Variants in FAM83A observed in about 807,000 individuals in gnomAD.
FAM83A encodes protein FAM83A.
Under a neutral mutation model 24.4 loss-of-function variants are expected in FAM83A, and 21 were observed. The observed-to-expected ratio is 0.86, with a 90% confidence interval of 0.61 to 1.24. The LOEUF (loss-of-function observed/expected upper bound fraction) is 1.24, where lower values mean the gene tolerates loss of function less well. Among genes scored for constraint, FAM83A ranks in the 50% most tolerant of loss-of-function variants. The pLI, the probability that FAM83A is intolerant of heterozygous loss-of-function variation, is 0.00. For synonymous variants in FAM83A, 270 were observed against 252.4 expected (o/e 1.07, Z -0.66); for missense variants, 617 against 579.8 (o/e 1.06, Z -0.66).
intron 1 of FAM83A, among the ~76,000 whole-genome samples, chr8:123,188,161 C>T (rs555749690): frequency 1.3e-5 from 2 of 152,172 alleles, no homozygotes; most frequent in South Asian, 4.2e-4. Context: ...AGGCATGAGC[C>T]ACTGCACGCT....
rs1417799091 is a variant in FAM83A, at chr8:123,183,233, AG to A, written c.378del (p.Lys126AsnfsTer4). ...CTGCACAGCTGGGCCTCAGCTGAGA[AG>A]CCCTACCTGAAGGAAAAATCCAGCG... On this transcript the variant is annotated frameshift_variant, in exon 1 of 4. Transcript: ENST00000690554. LOFTEE classifies it high-confidence loss of function. 6.2e-7 allele frequency: 1 copy of A among 1,613,478 alleles called. No individual in the cohort carries two copies. Among genetic ancestry groups the A allele is most frequent in the South Asian group, 1.1e-5 (1 of 91,082 alleles).
At chr8:123,207,113 C>T in intron 3 of FAM83A, 44 bp from the exon 4 acceptor site, 1 of 1,281,482 alleles carries the variant, frequency 7.8e-7, no homozygotes, top group Non-Finnish European at 1.0e-6. Context: ...CCTCCCCATC[C>T]TTCCCCCTTC....
chr8:123,182,760 C>T (rs368720159), exon 1 of FAM83A: 7 of 1,485,208 alleles, frequency 4.7e-6, no homozygotes, highest in African/African-American at 1.4e-5. Flanking sequence ...CCCGGGGGTG[C>T]GGGAGCCCCA....
exon 1 of FAM83A, chr8:123,182,830 C>A: frequency 6.6e-7 from 1 of 1,517,280 alleles, no homozygotes. Context: ...TGCCAGCCTC[C>A]CCCAGCACCA....
chr8:123,194,165 TCTC>T lies in FAM83A; in HGVS notation c.773+20_773+22del. ...ATCTTACAGGTGAGCCTTGGATTCA[TCTC>T]CTGTCAAGGATTCATGGAGAACAAG... is the stretch of plus-strand genomic sequence containing the variant. On this transcript the variant is annotated intron_variant, in intron 3 of 3. Coordinates refer to ENST00000690554, the Ensembl canonical transcript of FAM83A. The T allele has an allele frequency of 6.2e-7, 1 of 1,613,286 alleles. No homozygotes were observed. Among genetic ancestry groups the T allele is most frequent in the Non-Finnish European group, 8.5e-7 (1 of 1,179,800 alleles).
At chr8:123,207,396 G>C in exon 4 of FAM83A, 1 of 1,610,992 alleles carries the variant, frequency 6.2e-7, no homozygotes, top group Non-Finnish European at 8.5e-7. Context: ...TTCAGCGGCC[G>C]CTCGGCAGGC....
At chr8:123,187,605 G>T (rs1237644119) in intron 1 of FAM83A, among the ~76,000 whole-genome samples, 2 of 152,122 alleles carry the variant, frequency 1.3e-5, no homozygotes, top group East Asian at 1.9e-4. Context: ...TAATAGTAAA[G>T]AACTATTTCA....
At chr8:123,208,963 C>CAGAAAA (rs1158517937) in exon 4 of FAM83A, 1 of 947,786 alleles carries the variant, frequency 1.1e-6, no homozygotes, top group Admixed American at 6.9e-5. Context: ...GACTCCGTCA[C>CAGAAAA]AGAAAAAAAA....
At chr8:123,199,960 G>A (rs1193582138) in intron 3 of FAM83A, 1 of 154,128 alleles carries the variant, frequency 6.5e-6, no homozygotes, top group Non-Finnish European at 1.5e-5. Flanking sequence ...GAAGCCAGCA[G>A]AGAAGTCTGA....
chr8:123,208,650 G>GTCC (rs1350586577), exon 4 of FAM83A: 3 of 985,408 alleles, frequency 3.0e-6, no homozygotes, highest in Non-Finnish European at 3.6e-6. Flanking sequence ...GTGGAACTAG[G>GTCC]TCCTGAGGGC....
In FAM83A at chr8:123,182,945, G is replaced by A. The variant is rs773943516; in HGVS notation, c.89G>A (p.Ser30Asn). 2.5e-6 allele frequency: 4 copies of A among 1,599,002 alleles called. No individual in the cohort carries two copies. The South Asian group carries it at 3.4e-5, about 13-fold the overall frequency. ...GTCCGGCCAGCCAGGGCTGACTTTA[G>A]TGACAACGAGAGTGCCCGGCTGGCC... is the stretch of plus-strand genomic sequence containing the variant. The change falls in exon 1 of 4, where the codon AGT becomes AAT. Residue 30 changes from serine (S) to asparagine (N), a missense_variant. By Grantham distance (46) the Ser-to-Asn change is conservative (BLOSUM62 1). Transcript: ENST00000690554.
At chr8:123,194,523 A>AC (rs1824081930) in intron 3 of FAM83A, among the ~76,000 whole-genome samples, 1 of 142,266 alleles carries the variant, frequency 7.0e-6, no homozygotes, top group South Asian at 2.2e-4. Context: ...TCGCCCTGTC[A>AC]CCCAGGCTGG....
intron 3 of FAM83A, among the ~76,000 whole-genome samples, chr8:123,195,417 AC>A (rs952840123): frequency 6.6e-6 from 1 of 151,224 alleles, no homozygotes; most frequent in African/African-American, 2.4e-5. Context: ...GGGCGGAAAA[AC>A]CCCTACATTT....
At chr8:123,182,319 G>A (rs1325264716), upstream of FAM83A, 2 of 356,334 alleles carry the variant, frequency 5.6e-6, no homozygotes, top group South Asian at 2.1e-5. Flanking sequence ...AGAGGGGGGC[G>A]CATCTCAGGG....
intron 3 of FAM83A, among the ~76,000 whole-genome samples, chr8:123,197,169 G>A (rs1042854976): frequency 5.9e-5 from 9 of 152,210 alleles, no homozygotes; most frequent in African/African-American, 1.9e-4. Context: ...CCTTCACTCA[G>A]GCCTAGGGTG....
intron 1 of FAM83A, among the ~76,000 whole-genome samples, chr8:123,187,843 A>ATTTTTATTTTTTATT (rs1336999504): frequency 6.6e-6 from 1 of 151,684 alleles, no homozygotes; most frequent in East Asian, 1.9e-4. Flanking sequence ...TTGCTCTTTT[A>ATTTTTATTTTTTATT]TTTTTATTTT....
exon 1 of FAM83A, chr8:123,183,257 G>A (rs760704800): frequency 6.2e-7 from 1 of 1,613,314 alleles, no homozygotes; most frequent in Non-Finnish European, 8.5e-7. Context: ...GAAAAATCCA[G>A]CGCCACTGTG....
At chr8:123,198,931 G>T (rs1213848132) in intron 3 of FAM83A, among the ~76,000 whole-genome samples, 1 of 152,052 alleles carries the variant, frequency 6.6e-6, no homozygotes, top group African/African-American at 2.4e-5. Flanking sequence ...TAGAGACGGG[G>T]GTTTCACTGT....
chr8:123,182,938 G>T, exon 1 of FAM83A: 1 of 1,592,222 alleles, frequency 6.3e-7, no homozygotes, highest in East Asian at 2.2e-5. Flanking sequence ...AGCCAGGGCT[G>T]ACTTTAGTGA....
Sources: allele counts gnomAD v4.1 joint callset (sites outside exome capture counted in the v4.1 genomes callset), GRCh38; gene constraint gnomAD v4.1.1; transcripts MANE v1.5; gene names NCBI Gene and HGNC (gene_info 2026-07-23, HGNC 2026-07-21).